The following PRKCB variants were observed in gnomAD, a reference collection of about 807,000 sequenced individuals.
The protein encoded by PRKCB is protein kinase C beta type.
In PRKCB, 13 loss-of-function variants were observed where a neutral mutation model predicts 81.5. That is an observed-to-expected ratio of 0.16 (90% CI 0.10 to 0.25). PRKCB has a LOEUF of 0.25. Among genes scored for constraint, PRKCB ranks in the 10% least tolerant of loss-of-function variants. The pLI is 1.00. For missense variants in PRKCB, 509 were observed against 875.7 expected (o/e 0.58, Z 5.29); for synonymous variants, 335 against 321.4 (o/e 1.04, Z -0.45).
chr16:24,052,070 G>A (rs1375528368), intron 5 of PRKCB, among the ~76,000 whole-genome samples: 6 of 143,724 alleles, frequency 4.2e-5, no homozygotes, highest in Admixed American at 1.4e-4. Flanking sequence ...GCGAGACTCC[G>A]TCTCAAAAAA....
chr16:23,923,808 C>T (rs749560685), intron 2 of PRKCB, among the ~76,000 whole-genome samples: 5 of 152,008 alleles, frequency 3.3e-5, no homozygotes, highest in African/African-American at 7.2e-5. Context: ...TGTTTTGACA[C>T]GGGTGAACAT....
chr16:23,995,891 C>G (rs902282457), intron 3 of PRKCB, among the ~76,000 whole-genome samples: 2 of 151,882 alleles, frequency 1.3e-5, no homozygotes, highest in Non-Finnish European at 2.9e-5. Flanking sequence ...GCAGACACCA[C>G]CCAGAAGTGG....
intron 2 of PRKCB, among the ~76,000 whole-genome samples, chr16:23,937,095 T>C (rs1222299263): frequency 1.3e-5 from 2 of 152,156 alleles, no homozygotes; most frequent in African/African-American, 4.8e-5. Context: ...GTACATCTAA[T>C]GGTTTTAGAG....
intron 9 of PRKCB, among the ~76,000 whole-genome samples, chr16:24,136,609 C>G (rs192301316): frequency 1.3e-5 from 2 of 152,262 alleles, no homozygotes; most frequent in South Asian, 4.1e-4. Flanking sequence ...GTCTAATTCT[C>G]ACATGTAGAA....
rs185924812 is a variant in PRKCB at position 23,870,032 on chromosome 16, A to G, written c.205+32626A>G. Among the ~76,000 whole-genome samples the G allele has an allele frequency of 9.1e-4, 139 of 152,030 alleles. 2 individuals carry two copies. In the East Asian group the frequency reaches 0.024, roughly 26 times the overall value. ...GTGAGACTCCATCTGAAAAAAAAAA[A>G]AAGGGTAATTTAAACAATATTATGA... On this transcript the variant is annotated intron_variant, in intron 2 of 16. Transcript: ENST00000643927.
In PRKCB at chr16:24,217,119, A is replaced by G; in HGVS notation, c.*2303A>G. On this transcript the variant is annotated 3_prime_UTR_variant, in exon 17 of 17. Transcript: ENST00000643927. The stretch of plus-strand genomic sequence containing the variant: ...AAGGAAAGAAAGAAGAAAAAGAAAG[A>G]AGGAAAGAAAGAAAGAGAAAGGAAG... The G allele has an allele frequency of 1.0e-6, 1 of 983,676 alleles. No homozygotes were observed. The highest frequency in any genetic ancestry group is 1.2e-6 in the Non-Finnish European group (1 of 828,596). The allele number at this position is 983,676 out of a possible 1,614,324, so 60.9% of individuals were successfully genotyped here.
intron 9 of PRKCB, among the ~76,000 whole-genome samples, chr16:24,129,324 G>A (rs1294267334): frequency 6.6e-6 from 1 of 152,124 alleles, no homozygotes; most frequent in Admixed American, 6.5e-5. Flanking sequence ...AGGAGCTGGG[G>A]GAGGCAGCTG....
Position 24,218,772 on chromosome 16 carries a change from C to G in PRKCB, c.*3956C>G. On this transcript the variant is annotated 3_prime_UTR_variant, in exon 17 of 17. Coordinates refer to ENST00000643927, the MANE Select transcript of PRKCB (RefSeq NM_002738.7). ...CCCTGGCCTTTATAATCTGAGGCAA[C>G]TTTGGCTGCAGCCCGGGAATGTGCA... 1.0e-6 allele frequency: 1 copy of G among 985,442 alleles called. No individual in the cohort carries two copies. Among genetic ancestry groups the G allele is most frequent in the Non-Finnish European group, 1.2e-6 (1 of 829,964 alleles). 61.0% of individuals were successfully genotyped at this position (985,442 alleles called of 1,614,324 possible). A position where few individuals can be genotyped will look rare whatever the true frequency, so the allele number is the denominator to read the frequency against.
intron 9 of PRKCB, among the ~76,000 whole-genome samples, chr16:24,124,970 A>G (rs1966840266): frequency 6.6e-6 from 1 of 152,136 alleles, no homozygotes; most frequent in Non-Finnish European, 1.5e-5. Flanking sequence ...AAATCTAATC[A>G]TTAATATCAC....
chr16:24,058,649 CAT>C (rs1288247853), intron 5 of PRKCB, among the ~76,000 whole-genome samples: 19 of 152,086 alleles, frequency 1.2e-4, no homozygotes, highest in African/African-American at 3.6e-4. Context: ...AGTGTAACCA[CAT>C]GAGAGAAGCA....
chr16:23,885,716 A>G (rs1963187884), intron 2 of PRKCB, among the ~76,000 whole-genome samples: 1 of 152,126 alleles, frequency 6.6e-6, no homozygotes, highest in Non-Finnish European at 1.5e-5. Context: ...GTGAATCTGT[A>G]TTTGCACTGG....
At chr16:23,950,194 G>A (rs1964262330) in intron 2 of PRKCB, among the ~76,000 whole-genome samples, 1 of 149,172 alleles carries the variant, frequency 6.7e-6, no homozygotes. Flanking sequence ...ATGTGGGTGG[G>A]GTGGAGGGTG....
At chr16:24,128,077 A>AAAACAAAACAAAACT (rs571713715) in intron 9 of PRKCB, among the ~76,000 whole-genome samples, 17 of 152,264 alleles carry the variant, frequency 1.1e-4, no homozygotes, top group African/African-American at 3.9e-4. Context: ...AAAACAAAAC[A>AAAACAAAACAAAACT]TGTTTTTAAA....
At chr16:24,027,519 A>T (rs1256912465) in intron 3 of PRKCB, among the ~76,000 whole-genome samples, 2 of 152,148 alleles carry the variant, frequency 1.3e-5, no homozygotes, top group African/African-American at 4.8e-5. Context: ...AGCAGGACAG[A>T]TGATTGCTGG....
intron 7 of PRKCB, 108 bp from the exon 8 acceptor site, chr16:24,112,865 A>G (rs1298186234): frequency 1.3e-5 from 10 of 763,954 alleles, no homozygotes; most frequent in East Asian, 1.1e-4. Flanking sequence ...CCCTCAACGT[A>G]TATTTTTTCA....
At chr16:23,904,130 G>T (rs1963523381) in intron 2 of PRKCB, among the ~76,000 whole-genome samples, 1 of 152,172 alleles carries the variant, frequency 6.6e-6, no homozygotes, top group African/African-American at 2.4e-5. Context: ...ATGGCAGGGG[G>T]TGTGTCTACC....
intron 2 of PRKCB, among the ~76,000 whole-genome samples, chr16:23,911,064 A>G (rs938256200): frequency 8.9e-5 from 13 of 146,778 alleles, no homozygotes; most frequent in Admixed American, 6.9e-4. Flanking sequence ...TTATTCATCA[A>G]TTAGTGAGCA....
At chr16:24,107,801 G>A (rs545155661) in intron 7 of PRKCB, among the ~76,000 whole-genome samples, 1 of 152,254 alleles carries the variant, frequency 6.6e-6, no homozygotes, top group Non-Finnish European at 1.5e-5. Flanking sequence ...CTCAGCCGGG[G>A]TCATTATTGG....
chr16:23,989,869 G>A (rs1307189099), intron 3 of PRKCB, among the ~76,000 whole-genome samples: 7 of 152,158 alleles, frequency 4.6e-5, no homozygotes, highest in Non-Finnish European at 8.8e-5. Flanking sequence ...GAATGAGGAT[G>A]TGACCCAATC....
Sources: gnomAD v4.1 joint callset for allele counts (sites outside exome capture counted in the v4.1 genomes callset) on GRCh38, gnomAD v4.1.1 for gene constraint, MANE v1.5 for transcripts, NCBI Gene and HGNC (gene_info 2026-07-23, HGNC 2026-07-21) for gene names.